LRBA: variants seen among roughly 807,000 people sequenced by gnomAD.
LRBA encodes the protein lipopolysaccharide-responsive and beige-like anchor protein.
In LRBA, 176 loss-of-function variants were observed where a neutral mutation model predicts 330.0. The observed-to-expected ratio is 0.53, with a 90% CI of 0.47 to 0.60. The LOEUF (loss-of-function observed/expected upper bound fraction) is 0.60, where lower values mean the gene tolerates loss of function less well. LRBA is among the 20% of genes least tolerant of loss of function. The pLI is 0.00. For synonymous variants in LRBA, 1,230 were observed against 1,193.0 expected, an observed-to-expected ratio of 1.03 and a Z score of -0.64; for missense variants, 3,259 against 3,444.8, an observed-to-expected ratio of 0.95 and a Z score of 1.35.
chr4:150,412,263 C>G (rs1747114600), intron 47 of LRBA, among the ~76,000 whole-genome samples: 1 of 152,130 alleles, frequency 6.6e-6, no homozygotes, highest in African/African-American at 2.4e-5. Context: ...CTATAAAACT[C>G]AAGCAGTAGG....
At chr4:150,956,848 A>G (rs1579316720) in intron 2 of LRBA, among the ~76,000 whole-genome samples, 1 of 149,454 alleles carries the variant, frequency 6.7e-6, no homozygotes, top group South Asian at 2.1e-4. Context: ...GACTAAGAAT[A>G]GAAAGAAACT....
At chr4:150,925,752 A>G (rs1733815090) in intron 4 of LRBA, among the ~76,000 whole-genome samples, 1 of 152,152 alleles carries the variant, frequency 6.6e-6, no homozygotes, top group Non-Finnish European at 1.5e-5. Flanking sequence ...ATAATTTTCT[A>G]TGCTTATGAA....
At chr4:150,359,881 G>A (rs1173510253) in intron 47 of LRBA, among the ~76,000 whole-genome samples, 2 of 151,906 alleles carry the variant, frequency 1.3e-5, no homozygotes, top group African/African-American at 2.4e-5. Context: ...TCAGGAGGCT[G>A]AGGCAGGAGA....
At chr4:150,425,409 T>C (rs143052050) in intron 46 of LRBA, among the ~76,000 whole-genome samples, 265 of 152,268 alleles carry the variant, frequency 1.7e-3, no homozygotes, top group African/African-American at 6.1e-3. Context: ...GGTAGATGGG[T>C]CTTAGAGGCA....
At chr4:150,712,610 C>T (rs1245221090) in intron 36 of LRBA, among the ~76,000 whole-genome samples, 2 of 152,086 alleles carry the variant, frequency 1.3e-5, no homozygotes, top group Admixed American at 6.6e-5. Context: ...CACCTGACAA[C>T]CAAATTTCAC....
chr4:150,264,733 A>AATC lies in LRBA; in HGVS notation c.*986_*988dup, dbSNP rs1452200503. On this transcript the variant is annotated 3_prime_UTR_variant, in exon 57 of 57. Coordinates refer to ENST00000651943, the MANE Select transcript of LRBA (RefSeq NM_001364905.1). ...TATTTTTCACAGAATTCCACACAGT[A>AATC]ATCTACTAGAAAAGTAGAATTATAC... 4.6e-5 allele frequency: 7 copies of AATC among 152,696 alleles called. No homozygotes were observed. The highest frequency in any genetic ancestry group is 1.4e-4 in the African/African-American group (6 of 41,470). 9.5% of individuals were successfully genotyped at this position (152,696 alleles called of 1,614,324 possible).
At chr4:150,584,142 C>T (rs1027462535) in intron 40 of LRBA, 1 of 1,501,944 alleles carries the variant, frequency 6.7e-7, no homozygotes, top group South Asian at 1.4e-5. Flanking sequence ...GCGACACAAA[C>T]GGGCGTGCTC....
At chr4:150,762,032 A>T (rs1735162003) in intron 34 of LRBA, among the ~76,000 whole-genome samples, 185 bp from the exon 35 acceptor site, 1 of 151,956 alleles carries the variant, frequency 6.6e-6, no homozygotes, top group African/African-American at 2.4e-5. Context: ...CAACAATTTG[A>T]TTCTGTGTAA....
intron 2 of LRBA, among the ~76,000 whole-genome samples, chr4:150,963,357 C>T (rs1339673993): frequency 1.2e-4 from 18 of 149,458 alleles, no homozygotes; most frequent in Non-Finnish European, 2.6e-4. Flanking sequence ...GACTGGTTTT[C>T]GTATTTTTTG....
intron 48 of LRBA, among the ~76,000 whole-genome samples, chr4:150,343,771 A>G (rs1171053386): frequency 6.6e-6 from 1 of 152,104 alleles, no homozygotes; most frequent in African/African-American, 2.4e-5. Flanking sequence ...ACTTTTTTCT[A>G]CACCTATTCT....
rs896189974 is a variant in LRBA, at chr4:150,423,180, CTT to C, written c.7042-7592_7042-7591del. 29 of 1,352,522 alleles carry C rather than the reference CTT, an allele frequency of 2.1e-5. No individual in the cohort carries two copies. The African/African-American group carries it at 3.9e-4, about 18-fold the overall frequency. 83.8% of individuals were successfully genotyped at this position (1,352,522 alleles called of 1,614,324 possible). On this transcript the variant is annotated intron_variant, in intron 46 of 56. Transcript: ENST00000651943. ...TCGGGGCAGGGTCCCTCCGGTCCCCCTTCTTGTTGGCTTTCTTGGCTCTGGAG... is the reference window on the plus strand; with the variant it reads ...TCGGGGCAGGGTCCCTCCGGTCCCCCCTTGTTGGCTTTCTTGGCTCTGGAG...
intron 47 of LRBA, among the ~76,000 whole-genome samples, chr4:150,382,295 A>C (rs1217935406): frequency 6.6e-6 from 1 of 152,032 alleles, no homozygotes; most frequent in African/African-American, 2.4e-5. Context: ...GTTTTGTGTC[A>C]ATAGAGATTT....
chr4:150,972,374 A>AAAAAT (rs1204212564), intron 2 of LRBA, among the ~76,000 whole-genome samples: 2 of 152,262 alleles, frequency 1.3e-5, no homozygotes, highest in African/African-American at 2.4e-5. Flanking sequence ...AAAACTGTTA[A>AAAAAT]AAAATAAAAT....
chr4:150,887,994 A>G (rs1729125966), intron 17 of LRBA, among the ~76,000 whole-genome samples: 1 of 151,946 alleles, frequency 6.6e-6, no homozygotes, highest in African/African-American at 2.4e-5. Flanking sequence ...AAAAACAAAA[A>G]CCTAAAGAAA....
chr4:150,282,401 C>T, intron 55 of LRBA, 49 bp downstream of exon 55: 2 of 1,525,782 alleles, frequency 1.3e-6, no homozygotes, highest in South Asian at 2.3e-5. Context: ...CCACTTGACA[C>T]ACGTTGAGGT....
At chr4:150,270,390 T>C (rs949605622) in intron 56 of LRBA, among the ~76,000 whole-genome samples, 1 of 152,218 alleles carries the variant, frequency 6.6e-6, no homozygotes, top group African/African-American at 2.4e-5. Context: ...TGCTACGACA[T>C]GCAAGAACCT....
chr4:150,858,188 T>C (rs769308019), intron 22 of LRBA, among the ~76,000 whole-genome samples: 12 of 152,294 alleles, frequency 7.9e-5, no homozygotes, highest in Admixed American at 3.9e-4. Context: ...GGTTTCAAAA[T>C]GTTAAAGCTA....
Position 150,639,803 on chromosome 4 carries a change from ATATGTG to A in LRBA, c.5922-40678_5922-40673del, listed in dbSNP as rs778420473. Among the ~76,000 whole-genome samples, 37 of 4,818 alleles carry A rather than the reference ATATGTG, an allele frequency of 7.7e-3. 4 individuals carry two copies. The highest frequency in any genetic ancestry group is 0.024 in the African/African-American group (35 of 1,472). 3.2% of individuals were successfully genotyped at this position (4,818 alleles called of 152,430 possible). A position where few individuals can be genotyped will look rare whatever the true frequency, so the allele number is the denominator to read the frequency against. On this transcript the variant is annotated intron_variant, in intron 37 of 56. Coordinates refer to ENST00000651943, the MANE Select transcript of LRBA (RefSeq NM_001364905.1). Reference sequence around the variant, plus strand: ...TATATGTGTGTGTGTATATATATATATATGTGTGTGTGTGTGTATATATATATATAT... The same window carrying A: ...TATATGTGTGTGTGTATATATATATATGTGTGTGTGTATATATATATATAT...
intron 35 of LRBA, among the ~76,000 whole-genome samples, chr4:150,745,682 A>G (rs541489665): frequency 6.6e-6 from 1 of 152,022 alleles, no homozygotes; most frequent in East Asian, 1.9e-4. Context: ...CGCCCAGCTA[A>G]TTTTTGTATC....
Sources: allele counts gnomAD v4.1 joint callset (sites outside exome capture counted in the v4.1 genomes callset), GRCh38; gene constraint gnomAD v4.1.1; transcripts MANE v1.5; gene names NCBI Gene and HGNC (gene_info 2026-07-23, HGNC 2026-07-21).